The following KCNH1 variants were observed in gnomAD, a reference collection of about 807,000 sequenced individuals.
KCNH1 encodes voltage-gated delayed rectifier potassium channel KCNH1.
In KCNH1, 27 loss-of-function variants were observed where a neutral mutation model predicts 69.2. The ratio of observed to expected loss-of-function variants is 0.39; its 90% CI spans 0.29 to 0.54. The LOEUF (loss-of-function observed/expected upper bound fraction) is 0.54. Among genes scored for constraint, KCNH1 ranks in the 20% least tolerant of loss-of-function variants. KCNH1 has a pLI of 0.68. For missense variants in KCNH1, 798 were observed against 1,261.6 expected (o/e 0.63, Z 5.57); for synonymous variants, 456 against 487.7 (o/e 0.93, Z 0.86).
At chr1:210,832,172 G>C (rs1685176137) in intron 7 of KCNH1, among the ~76,000 whole-genome samples, 1 of 152,016 alleles carries the variant, frequency 6.6e-6, no homozygotes, top group South Asian at 2.1e-4. Flanking sequence ...GTTCCTCTCT[G>C]AATATGTCCC....
rs1553346590 is a variant in KCNH1, at chr1:210,806,836, A to AATATATATATATAT, written c.1463-2684_1463-2671dup. 7.0e-3 allele frequency among the ~76,000 whole-genome samples: 596 copies of AATATATATATATAT among 85,084 alleles called. 12 individuals are homozygous for AATATATATATATAT. Among genetic ancestry groups the AATATATATATATAT allele is most frequent in the Admixed American group, 0.021 (153 of 7,444 alleles). The allele number at this position is 85,084 out of a possible 152,430, so 55.8% of individuals were successfully genotyped here. A position where few individuals can be genotyped will look rare whatever the true frequency, so the allele number is the denominator to read the frequency against. On this transcript the variant is annotated intron_variant, in intron 7 of 10. Coordinates refer to ENST00000271751, the MANE Select transcript of KCNH1 (RefSeq NM_172362.3). Reference sequence around the variant, plus strand: ...AAAAAAAAAAAAAAAAAAAAAAAAAAATATATATATATATATATAAATTTG... The same window carrying AATATATATATATAT: ...AAAAAAAAAAAAAAAAAAAAAAAAAAATATATATATATATATATATATATATATATATAAATTTG...
chr1:211,037,777 T>C (rs937569660), intron 5 of KCNH1, among the ~76,000 whole-genome samples: 2 of 152,124 alleles, frequency 1.3e-5, no homozygotes, highest in African/African-American at 4.8e-5. Flanking sequence ...ATGGTTTGGC[T>C]GTGTCCCCAA....
At chr1:211,035,297 G>A (rs1689875972) in intron 5 of KCNH1, among the ~76,000 whole-genome samples, 2 of 127,118 alleles carry the variant, frequency 1.6e-5, no homozygotes, top group African/African-American at 6.1e-5. Flanking sequence ...CGCCCAGGCT[G>A]GAGTGCAGTG....
chr1:210,787,408 T>C (rs368746952), intron 9 of KCNH1, among the ~76,000 whole-genome samples: 14 of 152,340 alleles, frequency 9.2e-5, no homozygotes, highest in African/African-American at 2.6e-4. Flanking sequence ...TGGCTCTATG[T>C]TATAAAATGC....
chr1:211,106,165 A>G (rs1343675543), intron 2 of KCNH1, among the ~76,000 whole-genome samples: 1 of 152,220 alleles, frequency 6.6e-6, no homozygotes, highest in African/African-American at 2.4e-5. Context: ...ATTCCACTTC[A>G]TGCAAACACC....
chr1:210,857,751 A>G (rs1196519854), intron 7 of KCNH1, among the ~76,000 whole-genome samples: 1 of 152,224 alleles, frequency 6.6e-6, no homozygotes, highest in Non-Finnish European at 1.5e-5. Context: ...AAATAACCCA[A>G]TGATGACTCA....
At chr1:211,026,671 C>T (rs958654513) in intron 5 of KCNH1, among the ~76,000 whole-genome samples, 1 of 152,138 alleles carries the variant, frequency 6.6e-6, no homozygotes, top group African/African-American at 2.4e-5. Context: ...CATGGACTTC[C>T]ACACAATGCC....
chr1:210,832,287 C>G (rs1206738934), intron 7 of KCNH1, among the ~76,000 whole-genome samples: 2 of 152,176 alleles, frequency 1.3e-5, no homozygotes, highest in Non-Finnish European at 2.9e-5. Context: ...TTTGAGAGTC[C>G]TCTTCTTAGA....
chr1:211,056,894 C>T (rs961624132), intron 5 of KCNH1, among the ~76,000 whole-genome samples: 1 of 152,188 alleles, frequency 6.6e-6, no homozygotes, highest in Non-Finnish European at 1.5e-5. Context: ...ACCCAAATCC[C>T]TTTGAATACA....
intron 6 of KCNH1, among the ~76,000 whole-genome samples, chr1:210,931,157 C>G (rs1419006450): frequency 6.6e-6 from 1 of 152,186 alleles, no homozygotes; most frequent in Non-Finnish European, 1.5e-5. Flanking sequence ...AGCAATCCCA[C>G]TACTAGGTAT....
intron 7 of KCNH1, among the ~76,000 whole-genome samples, chr1:210,883,427 A>G (rs1010728604): frequency 6.6e-6 from 1 of 152,212 alleles, no homozygotes; most frequent in Non-Finnish European, 1.5e-5. Context: ...GCACTAGAAC[A>G]ATAACACAAA....
chr1:211,022,216 A>G (rs1004865200), intron 5 of KCNH1, among the ~76,000 whole-genome samples: 2 of 152,168 alleles, frequency 1.3e-5, no homozygotes, highest in Admixed American at 6.5e-5. Context: ...CCAAGAATAT[A>G]CATTGAGAAT....
intron 6 of KCNH1, among the ~76,000 whole-genome samples, chr1:211,007,469 A>G (rs570838986): frequency 6.6e-6 from 1 of 152,296 alleles, no homozygotes; most frequent in East Asian, 1.9e-4. Context: ...CTTCTCCCCT[A>G]GCCCCACATA....
At chr1:210,813,692 A>C (rs1684756202) in intron 7 of KCNH1, among the ~76,000 whole-genome samples, 2 of 152,230 alleles carry the variant, frequency 1.3e-5, no homozygotes. Context: ...CCTGTAACTT[A>C]AAAGCCATAG....
At chr1:210,787,270 T>A (rs756310794) in intron 9 of KCNH1, among the ~76,000 whole-genome samples, 3 of 152,090 alleles carry the variant, frequency 2.0e-5, no homozygotes, top group Non-Finnish European at 4.4e-5. Flanking sequence ...GCCACTGCTG[T>A]CCCTGGTGGA....
At chr1:210,686,256 T>C (rs1298316610) in intron 10 of KCNH1, among the ~76,000 whole-genome samples, 2 of 152,164 alleles carry the variant, frequency 1.3e-5, no homozygotes, top group African/African-American at 2.4e-5. Flanking sequence ...GTGCTCTGAG[T>C]TGGATGCCTC....
At chr1:211,099,891 C>T (rs1012620980) in intron 3 of KCNH1, among the ~76,000 whole-genome samples, 2 of 152,142 alleles carry the variant, frequency 1.3e-5, no homozygotes, top group Non-Finnish European at 2.9e-5. Flanking sequence ...TCCATAGCCC[C>T]CTGGACACCT....
At chr1:210,824,675 T>C (rs1479642886) in intron 7 of KCNH1, among the ~76,000 whole-genome samples, 3 of 152,196 alleles carry the variant, frequency 2.0e-5, no homozygotes, top group Non-Finnish European at 4.4e-5. Flanking sequence ...AGCATTTTAA[T>C]AGCCTTTTCA....
intron 9 of KCNH1, among the ~76,000 whole-genome samples, chr1:210,796,903 G>C (rs1220411994): frequency 6.6e-6 from 1 of 152,052 alleles, no homozygotes; most frequent in Non-Finnish European, 1.5e-5. Flanking sequence ...CCTGCTTTCA[G>C]CTCTTCATTG....
Sources: gnomAD v4.1 joint callset for allele counts (sites outside exome capture counted in the v4.1 genomes callset) on GRCh38, gnomAD v4.1.1 for gene constraint, MANE v1.5 for transcripts, NCBI Gene and HGNC (gene_info 2026-07-23, HGNC 2026-07-21) for gene names.